AFAP1: variants seen among roughly 807,000 people sequenced by gnomAD.
The protein encoded by AFAP1 is actin filament associated protein 1, also known as actin filament-associated protein 1.
Under a neutral mutation model 93.9 loss-of-function variants are expected in AFAP1, and 75 were observed. That is an observed-to-expected ratio of 0.80 (90% confidence interval 0.66 to 0.97). The LOEUF is 0.97. Among genes scored for constraint, AFAP1 ranks in the 50% least tolerant of loss-of-function variants. The probability of loss-of-function intolerance (pLI) is 0.00; values close to 1 mark genes in which losing one functional copy is unlikely to be tolerated. For synonymous variants in AFAP1, 517 were observed against 430.7 expected, an observed-to-expected ratio of 1.20 and a Z score of -2.48; for missense variants, 1,201 against 1,050.8, an observed-to-expected ratio of 1.14 and a Z score of -1.98.
intron 1 of AFAP1, among the ~76,000 whole-genome samples, chr4:7,890,525 T>C (rs941926036): frequency 6.6e-6 from 1 of 152,166 alleles, no homozygotes; most frequent in Admixed American, 6.5e-5. Context: ...ATTGAACTTT[T>C]TAATCTTTAA....
At chr4:7,886,083 A>T (rs1718125076) in intron 1 of AFAP1, among the ~76,000 whole-genome samples, 1 of 152,240 alleles carries the variant, frequency 6.6e-6, no homozygotes, top group Admixed American at 6.5e-5. Context: ...AAAGCAGCAT[A>T]GCTTTAGGCA....
intron 10 of AFAP1, among the ~76,000 whole-genome samples, chr4:7,798,508 G>A (rs769568643): frequency 4.6e-5 from 7 of 152,134 alleles, no homozygotes; most frequent in Non-Finnish European, 4.4e-5. Flanking sequence ...CCACTGATGA[G>A]GTCAGGCTTC....
intron 4 of AFAP1, among the ~76,000 whole-genome samples, chr4:7,851,974 C>G (rs772282879): frequency 1.3e-5 from 2 of 152,226 alleles, no homozygotes; most frequent in African/African-American, 4.8e-5. Flanking sequence ...TACAGCAAAT[C>G]AAGTACACAA....
chr4:7,883,111 G>A (rs1717943347), intron 1 of AFAP1, among the ~76,000 whole-genome samples: 1 of 150,618 alleles, frequency 6.6e-6, no homozygotes. Flanking sequence ...CCTGAGCCCA[G>A]GGAGGTTGAG....
intron 11 of AFAP1, among the ~76,000 whole-genome samples, chr4:7,792,798 T>G (rs1370005081): frequency 8.3e-6 from 1 of 120,274 alleles, no homozygotes; most frequent in African/African-American, 2.9e-5. Flanking sequence ...AAAGTCATCA[T>G]TTTTACTGCT....
intron 13 of AFAP1, among the ~76,000 whole-genome samples, chr4:7,779,427 C>T (rs554626388): frequency 2.2e-4 from 33 of 152,326 alleles, no homozygotes; most frequent in African/African-American, 7.9e-4. Flanking sequence ...GGAAACTGAA[C>T]TTCCACTAAC....
Position 7,862,753 on chromosome 4 carries a change from C to T in AFAP1, c.225+5869G>A, listed in dbSNP as rs1173109404. ...CATGATATAACCTCAGGCTGTCTAC[C>T]AAATGAAAATATGTCCAGAAAATGC... On this transcript the variant is annotated intron_variant, in intron 3 of 17. Coordinates refer to ENST00000420658, the MANE Select transcript of AFAP1 (RefSeq NM_001134647.2). Among the ~76,000 whole-genome samples, 6 of 152,228 alleles carry T rather than the reference C, an allele frequency of 3.9e-5. No homozygotes were observed. In the East Asian group the frequency reaches 1.2e-3, roughly 29 times the overall value.
intron 1 of AFAP1, among the ~76,000 whole-genome samples, chr4:7,889,887 A>G (rs904131557): frequency 6.6e-6 from 1 of 151,716 alleles, no homozygotes; most frequent in African/African-American, 2.4e-5. Context: ...GAGGACCATA[A>G]ATAAAAAGAG....
At chr4:7,811,921 CAAAG>C (rs1369030351) in intron 8 of AFAP1, among the ~76,000 whole-genome samples, 1 of 152,022 alleles carries the variant, frequency 6.6e-6, no homozygotes, top group Non-Finnish European at 1.5e-5. Flanking sequence ...ATATTAGAAA[CAAAG>C]AACCCAGGAA....
intron 1 of AFAP1, among the ~76,000 whole-genome samples, chr4:7,885,753 A>G (rs970499731): frequency 6.6e-6 from 1 of 152,252 alleles, no homozygotes; most frequent in South Asian, 2.1e-4. Flanking sequence ...TCTCATACTT[A>G]GTAACCATGT....
intron 1 of AFAP1, among the ~76,000 whole-genome samples, chr4:7,933,194 G>A (rs922043600): frequency 7.2e-5 from 11 of 151,882 alleles, no homozygotes; most frequent in Non-Finnish European, 1.5e-4. Context: ...TACGTCACAC[G>A]GCATGGCCAA....
Position 7,931,567 on chromosome 4 carries a change from A to C in AFAP1, c.-3+8089T>G, listed in dbSNP as rs142224873. 4.1e-3 allele frequency among the ~76,000 whole-genome samples: 594 copies of C among 144,964 alleles called. 2 individuals are homozygous for C. Among genetic ancestry groups the C allele is most frequent in the Admixed American group, 6.4e-3 (94 of 14,610 alleles). The stretch of plus-strand genomic sequence containing the variant: ...CAGCATTTTTTTTTTTTTTTGGTAG[A>C]GGTGGAGGTCTCGCTATGTTGCCTA... On this transcript the variant is annotated intron_variant, in intron 1 of 17. Transcript: ENST00000420658.
intron 1 of AFAP1, among the ~76,000 whole-genome samples, chr4:7,882,344 G>C (rs180790543): frequency 6.6e-6 from 1 of 151,012 alleles, no homozygotes; most frequent in East Asian, 1.9e-4. Flanking sequence ...AAACACCAAG[G>C]CTACTGCATA....
At chr4:7,804,376 C>T (rs1719319019) in intron 9 of AFAP1, among the ~76,000 whole-genome samples, 1 of 152,184 alleles carries the variant, frequency 6.6e-6, no homozygotes, top group Non-Finnish European at 1.5e-5. Context: ...TAGGGTGTTA[C>T]TGAATTTTAA....
At chr4:7,897,322 CAT>C (rs1718844588) in intron 1 of AFAP1, among the ~76,000 whole-genome samples, 1 of 152,140 alleles carries the variant, frequency 6.6e-6, no homozygotes. Flanking sequence ...GGTAGGAAAA[CAT>C]GTAAGAACTG....
rs1483845618 is a variant in AFAP1 at position 7,775,031 on chromosome 4, C to G, written c.1898-128G>C. ...CGGCACATGCCTATAGTCCCAGCTA[C>G]TCAGGAAGCTGAGGTGGGAGAATCG... On this transcript the variant is annotated intron_variant, in intron 14 of 17. Transcript: ENST00000420658. 3 of 1,139,136 alleles carry G rather than the reference C, an allele frequency of 2.6e-6. No homozygotes were observed. In the African/African-American group the frequency reaches 4.7e-5, roughly 18 times the overall value. The allele number at this position is 1,139,136 out of a possible 1,614,324, so 70.6% of individuals were successfully genotyped here.
At chr4:7,822,379 C>T (rs1470578484) in intron 6 of AFAP1, among the ~76,000 whole-genome samples, 1 of 152,108 alleles carries the variant, frequency 6.6e-6, no homozygotes, top group Non-Finnish European at 1.5e-5. Context: ...CCCTAACAGG[C>T]ATTAAGGAAA....
chr4:7,916,865 C>T (rs181335478), intron 1 of AFAP1, among the ~76,000 whole-genome samples: 2 of 152,274 alleles, frequency 1.3e-5, no homozygotes, highest in Admixed American at 1.3e-4. Context: ...GCCAGTGGAC[C>T]ACTCCCTTTA....
chr4:7,814,090 C>T (rs1720271272), intron 8 of AFAP1, among the ~76,000 whole-genome samples: 1 of 152,162 alleles, frequency 6.6e-6, no homozygotes, highest in South Asian at 2.1e-4. Flanking sequence ...AAAAGTCCAG[C>T]CACAGATTGG....
Sources: gnomAD v4.1 joint callset for allele counts (sites outside exome capture counted in the v4.1 genomes callset) on GRCh38, gnomAD v4.1.1 for gene constraint, MANE v1.5 for transcripts, NCBI Gene and HGNC (gene_info 2026-07-23, HGNC 2026-07-21) for gene names.